MACROD1: variants seen among roughly 807,000 people sequenced by gnomAD.
MACROD1 encodes the protein ADP-ribose glycohydrolase MACROD1.
In MACROD1, 31 loss-of-function variants were observed where a neutral mutation model predicts 41.4. That is an observed-to-expected ratio of 0.75 (90% CI 0.56 to 1.01). The LOEUF (loss-of-function observed/expected upper bound fraction) is 1.01, where lower values mean the gene tolerates loss of function less well. Among genes scored for constraint, MACROD1 ranks in the 50% least tolerant of loss-of-function variants. MACROD1 has a pLI of 0.00. For synonymous variants in MACROD1, 252 were observed against 203.4 expected (o/e 1.24, Z -2.03); for missense variants, 473 against 460.0 (o/e 1.03, Z -0.26).
chr11:64,053,387 T>C (rs538066537), intron 3 of MACROD1, among the ~76,000 whole-genome samples: 2 of 152,300 alleles, frequency 1.3e-5, no homozygotes, highest in African/African-American at 2.4e-5. Context: ...TCACAGCCCA[T>C]GGTTTCCTGC....
intron 4 of MACROD1, among the ~76,000 whole-genome samples, chr11:64,003,912 T>C (rs973173042): frequency 6.6e-6 from 1 of 152,234 alleles, no homozygotes; most frequent in Non-Finnish European, 1.5e-5. Context: ...GGCCACTGTC[T>C]TTCTGGACGG....
At chr11:64,140,498 C>T (rs752695172) in intron 3 of MACROD1, among the ~76,000 whole-genome samples, 3 of 152,214 alleles carry the variant, frequency 2.0e-5, no homozygotes, top group South Asian at 2.1e-4. Context: ...ACCATTCCCC[C>T]GTTCCCAGCC....
At position 64,096,604 on chromosome 11, in the gene MACROD1, C is replaced by T. The variant is rs1007002147; in HGVS notation, c.517+54635G>A. Among the ~76,000 whole-genome samples, 7 of 151,974 alleles carry T rather than the reference C, an allele frequency of 4.6e-5. No individual in the cohort carries two copies. The highest frequency in any genetic ancestry group is 3.9e-4 in the East Asian group (2 of 5,174). ...CTAATTTTTTTATTTTTAGTAGACACGGGGGTATCAACATGTTGGCCAGGC... is the reference window on the plus strand; with the variant it reads ...CTAATTTTTTTATTTTTAGTAGACATGGGGGTATCAACATGTTGGCCAGGC... On this transcript the variant is annotated intron_variant, in intron 3 of 10. Transcript: ENST00000255681. This position sits in a 1 kb window ranked among gnomAD's most constrained non-coding sequence, Gnocchi z 4.6.
At chr11:64,003,015 C>T (rs1262566472) in intron 4 of MACROD1, among the ~76,000 whole-genome samples, 1 of 152,230 alleles carries the variant, frequency 6.6e-6, no homozygotes, top group Non-Finnish European at 1.5e-5. Flanking sequence ...TCAACCCTCA[C>T]CCCAAGTCAG....
intron 3 of MACROD1, among the ~76,000 whole-genome samples, chr11:64,059,751 C>T (rs956170213): frequency 6.6e-6 from 1 of 152,236 alleles, no homozygotes; most frequent in Non-Finnish European, 1.5e-5. Context: ...AGGCCTTCCC[C>T]TCTGAGTCCG....
At chr11:64,132,541 A>G (rs2134661359) in intron 3 of MACROD1, among the ~76,000 whole-genome samples, 1 of 152,280 alleles carries the variant, frequency 6.6e-6, no homozygotes, top group East Asian at 1.9e-4. Flanking sequence ...GGTCCTGAGC[A>G]GGCCCTCCCC....
chr11:64,012,061 G>A (rs1434849762), intron 4 of MACROD1, among the ~76,000 whole-genome samples: 2 of 152,134 alleles, frequency 1.3e-5, no homozygotes, highest in South Asian at 2.1e-4. Context: ...TGCTGGCGGC[G>A]GCTCCATAAA....
chr11:64,113,440 G>GGATA (rs1320295843), intron 3 of MACROD1, among the ~76,000 whole-genome samples: 1 of 151,422 alleles, frequency 6.6e-6, no homozygotes, highest in Non-Finnish European at 1.5e-5. Context: ...ATGGATGGAT[G>GGATA]GATGGATGGA....
chr11:64,045,130 G>A (rs1009850240), intron 3 of MACROD1, among the ~76,000 whole-genome samples: 3 of 152,124 alleles, frequency 2.0e-5, no homozygotes, highest in Non-Finnish European at 2.9e-5. Flanking sequence ...CTTCTGCCTC[G>A]GCCGAGTGCT....
intron 3 of MACROD1, among the ~76,000 whole-genome samples, chr11:64,097,389 A>C (rs1944595889): frequency 6.6e-6 from 1 of 152,242 alleles, no homozygotes; most frequent in African/African-American, 2.4e-5. Context: ...AAAATAAAGA[A>C]GGGGAGATGT....
chr11:64,106,559 T>TGA (rs934422416), intron 3 of MACROD1, among the ~76,000 whole-genome samples: 26 of 152,350 alleles, frequency 1.7e-4, no homozygotes, highest in Admixed American at 1.5e-3. Context: ...GCCTGCCTCC[T>TGA]GCCTTGTCAG....
At chr11:64,068,794 A>G (rs1944052546) in intron 3 of MACROD1, among the ~76,000 whole-genome samples, 1 of 152,226 alleles carries the variant, frequency 6.6e-6, no homozygotes, top group Non-Finnish European at 1.5e-5. Flanking sequence ...CCCCATGGGC[A>G]TGCTCCCCCA....
chr11:64,068,940 C>T (rs1349709881), intron 3 of MACROD1, among the ~76,000 whole-genome samples: 1 of 152,254 alleles, frequency 6.6e-6, no homozygotes, highest in Non-Finnish European at 1.5e-5. Context: ...CAGAGTGGCC[C>T]AGGTGCCAAC....
At chr11:64,044,352 A>C (rs886997803) in intron 3 of MACROD1, among the ~76,000 whole-genome samples, 10 of 151,704 alleles carry the variant, frequency 6.6e-5, no homozygotes, top group African/African-American at 2.4e-4. Flanking sequence ...TTTGGGCTCA[A>C]GTGATCCTCC....
intron 3 of MACROD1, among the ~76,000 whole-genome samples, chr11:64,093,617 C>T (rs1372187256): frequency 2.0e-5 from 3 of 152,234 alleles, no homozygotes; most frequent in African/African-American, 7.2e-5. Flanking sequence ...CAGAACAGGT[C>T]GGTCTTCCTT....
intron 3 of MACROD1, among the ~76,000 whole-genome samples, chr11:64,110,664 C>T (rs989231952): frequency 5.9e-5 from 9 of 152,126 alleles, no homozygotes; most frequent in African/African-American, 1.9e-4. Flanking sequence ...ACCCCCGTGG[C>T]CCGCTAAGGA....
chr11:64,057,730 G>T (rs959545206), intron 3 of MACROD1, among the ~76,000 whole-genome samples: 1 of 152,220 alleles, frequency 6.6e-6, no homozygotes, highest in African/African-American at 2.4e-5. Flanking sequence ...TCCCACAAAG[G>T]GGTGCCTGAC....
chr11:64,015,473 G>A (rs1011517846), intron 3 of MACROD1, among the ~76,000 whole-genome samples, 192 bp from the exon 4 acceptor site: 4 of 152,098 alleles, frequency 2.6e-5, no homozygotes, highest in African/African-American at 7.2e-5. Flanking sequence ...TCATGGTCCT[G>A]GGGTTTGTAG....
intron 3 of MACROD1, among the ~76,000 whole-genome samples, chr11:64,035,423 G>A (rs73498113): frequency 1.1e-3 from 175 of 152,274 alleles, no homozygotes; most frequent in African/African-American, 3.9e-3. Flanking sequence ...ATGGATGGCT[G>A]GAGGGATGGT....
Sources: allele counts gnomAD v4.1 joint callset (sites outside exome capture counted in the v4.1 genomes callset), GRCh38; gene constraint gnomAD v4.1.1; non-coding constraint Gnocchi (gnomAD v3.1); transcripts MANE v1.5; gene names NCBI Gene and HGNC (gene_info 2026-07-23, HGNC 2026-07-21).